CHRM3: variants seen among roughly 807,000 people sequenced by gnomAD.
The protein encoded by CHRM3 is muscarinic acetylcholine receptor M3.
Under a neutral mutation model 41.8 loss-of-function variants are expected in CHRM3, and 11 were observed. The observed-to-expected ratio is 0.26, with a 90% CI of 0.17 to 0.44. The LOEUF (loss-of-function observed/expected upper bound fraction) is 0.44, where lower values mean the gene tolerates loss of function less well. CHRM3 is among the 20% of genes least tolerant of loss of function. The pLI, the probability that CHRM3 is intolerant of heterozygous loss-of-function variation, is 1.00. For synonymous variants in CHRM3, 297 were observed against 301.4 expected, an observed-to-expected ratio of 0.99 and a Z score of 0.15; for missense variants, 571 against 745.4, an observed-to-expected ratio of 0.77 and a Z score of 2.72.
At chr1:239,777,693 A>G (rs1455686892) in intron 5 of CHRM3, among the ~76,000 whole-genome samples, 1 of 152,188 alleles carries the variant, frequency 6.6e-6, no homozygotes, top group Admixed American at 6.5e-5. Flanking sequence ...AGGCTGACCA[A>G]TGATTTATGA....
chr1:239,395,248 G>A (rs1278716662), intron 1 of CHRM3, among the ~76,000 whole-genome samples: 1 of 151,882 alleles, frequency 6.6e-6, no homozygotes, highest in Non-Finnish European at 1.5e-5. Flanking sequence ...CTCTCCTTTT[G>A]TACCTGCCTC....
chr1:239,743,068 G>GA (rs34041782), intron 5 of CHRM3, among the ~76,000 whole-genome samples: 1 of 151,288 alleles, frequency 6.6e-6, no homozygotes, highest in Admixed American at 6.6e-5. Flanking sequence ...CTACTCAGGG[G>GA]AAAAAAAAGA....
At chr1:239,395,651 G>C (rs972888951) in intron 1 of CHRM3, among the ~76,000 whole-genome samples, 1 of 152,120 alleles carries the variant, frequency 6.6e-6, no homozygotes, top group East Asian at 1.9e-4. Flanking sequence ...GGCTGGGTTG[G>C]GGCCTGAGAA....
chr1:239,432,513 A>G (rs963980034), intron 1 of CHRM3, among the ~76,000 whole-genome samples: 2 of 152,190 alleles, frequency 1.3e-5, no homozygotes, highest in Non-Finnish European at 2.9e-5. Flanking sequence ...TTATATGTAG[A>G]TGATGAGCAG....
chr1:239,787,500 A>G (rs1572290858), intron 5 of CHRM3, among the ~76,000 whole-genome samples: 1 of 152,140 alleles, frequency 6.6e-6, no homozygotes, highest in Non-Finnish European at 1.5e-5. Flanking sequence ...CAGTGGCAGG[A>G]AAGATCAATA....
intron 1 of CHRM3, among the ~76,000 whole-genome samples, chr1:239,481,566 ATAGG>A (rs1666856147): frequency 6.6e-6 from 1 of 152,218 alleles, no homozygotes. Context: ...CAATTCCCTG[ATAGG>A]TAGGCACTAA....
rs1680349887 is a variant in CHRM3, at chr1:239,911,246, TAC to T, written c.*2026_*2027del. On this transcript the variant is annotated 3_prime_UTR_variant, in exon 7 of 7. Coordinates refer to ENST00000676153, the MANE Select transcript of CHRM3 (RefSeq NM_001375978.1). ...TCCACCATTGTGTCTGAAATCATTT[TAC>T]ACAGGGAAAAAAAAAAACAATCAGC... 1 of 164,518 alleles carries T rather than the reference TAC, an allele frequency of 6.1e-6. No individual in the cohort carries two copies. The highest frequency in any genetic ancestry group is 1.5e-5 in the Non-Finnish European group (1 of 68,064). The allele number at this position is 164,518 out of a possible 1,614,324, so 10.2% of individuals were successfully genotyped here. A position where few individuals can be genotyped will look rare whatever the true frequency, so the allele number is the denominator to read the frequency against.
rs545925623 is a variant in CHRM3, at chr1:239,434,863, A to G, written c.-521+47636A>G. 5.1e-4 allele frequency among the ~76,000 whole-genome samples: 78 copies of G among 152,340 alleles called. 2 individuals carry two copies. In the Middle Eastern group the frequency reaches 0.01, roughly 20 times the overall value. ...TGTAATACTTTGAAAGGAAACAATCATTGGTATTCTGGTTGGGAATTTGAA... is the reference window on the plus strand; with the variant it reads ...TGTAATACTTTGAAAGGAAACAATCGTTGGTATTCTGGTTGGGAATTTGAA... On this transcript the variant is annotated intron_variant, in intron 1 of 6. Transcript: ENST00000676153.
At chr1:239,858,119 A>G (rs1408022425) in intron 6 of CHRM3, among the ~76,000 whole-genome samples, 2 of 152,212 alleles carry the variant, frequency 1.3e-5, no homozygotes, top group East Asian at 1.9e-4. Flanking sequence ...TCACTTAATG[A>G]TGCACTAATT....
chr1:239,491,697 G>A (rs115426100), intron 1 of CHRM3, among the ~76,000 whole-genome samples: 3 of 152,164 alleles, frequency 2.0e-5, no homozygotes, highest in Non-Finnish European at 4.4e-5. Flanking sequence ...CTGGATATGT[G>A]GCCCATAGTG....
intron 5 of CHRM3, among the ~76,000 whole-genome samples, chr1:239,781,163 G>A (rs1009544361): frequency 6.6e-6 from 1 of 152,046 alleles, no homozygotes; most frequent in East Asian, 1.9e-4. Flanking sequence ...GATTTTGATT[G>A]GGATTGTATT....
chr1:239,756,844 AT>A (rs930743386), intron 5 of CHRM3, among the ~76,000 whole-genome samples: 1 of 152,054 alleles, frequency 6.6e-6, no homozygotes, highest in African/African-American at 2.4e-5. Context: ...TTTTCACATA[AT>A]TTTGCATAAT....
rs142296195 is a variant in CHRM3, at chr1:239,667,128, A to T, written c.-249-11058A>T. ...TTTTTAATGATCTCTCCATGGCTTA[A>T]TTTCTTTGTATCACGAATTGCTTAT... On this transcript the variant is annotated intron_variant, in intron 4 of 6. Transcript: ENST00000676153. 3.5e-3 allele frequency among the ~76,000 whole-genome samples: 533 copies of T among 152,152 alleles called. 2 individuals are homozygous for T. The highest frequency in any genetic ancestry group is 0.012 in the African/African-American group (515 of 41,488).
chr1:239,912,818 G>A lies in CHRM3; in HGVS notation c.*3594G>A, dbSNP rs1023569251. The A allele has an allele frequency of 1.8e-5, 3 of 167,170 alleles. No individual in the cohort carries two copies. The highest frequency in any genetic ancestry group is 6.5e-5 in the Admixed American group (1 of 15,294). 10.4% of individuals were successfully genotyped at this position (167,170 alleles called of 1,614,324 possible). On this transcript the variant is annotated 3_prime_UTR_variant, in exon 7 of 7. Coordinates refer to ENST00000676153, the MANE Select transcript of CHRM3 (RefSeq NM_001375978.1). ...TCTTCCCCTGGCAGCTTCAGAGGAC[G>A]AGTGAAAATAGTGCAGTATAGTCAA... is the stretch of plus-strand genomic sequence containing the variant.
chr1:239,647,448 C>T (rs992119642), intron 4 of CHRM3, among the ~76,000 whole-genome samples: 1 of 152,134 alleles, frequency 6.6e-6, no homozygotes. Context: ...GCCTCTTTCT[C>T]TTTTTTCCTC....
chr1:239,630,745 A>T (rs1220186486), intron 3 of CHRM3, among the ~76,000 whole-genome samples: 1 of 152,200 alleles, frequency 6.6e-6, no homozygotes, highest in Admixed American at 6.5e-5. Context: ...GTTAGTGGAA[A>T]GAGTCAGACA....
At chr1:239,430,160 G>T (rs1452114781) in intron 1 of CHRM3, among the ~76,000 whole-genome samples, 1 of 151,678 alleles carries the variant, frequency 6.6e-6, no homozygotes, top group Non-Finnish European at 1.5e-5. Flanking sequence ...TAGAGACGGG[G>T]TTTCACCATC....
chr1:239,596,592 C>T (rs1197840554), intron 3 of CHRM3, among the ~76,000 whole-genome samples: 1 of 151,886 alleles, frequency 6.6e-6, no homozygotes, highest in Non-Finnish European at 1.5e-5. Context: ...AAGTATATAC[C>T]TGATGAATTT....
At chr1:239,523,759 C>T (rs536997698) in intron 2 of CHRM3, among the ~76,000 whole-genome samples, 1 of 152,256 alleles carries the variant, frequency 6.6e-6, no homozygotes, top group South Asian at 2.1e-4. Flanking sequence ...GAAAGCATAG[C>T]TGACGTGATA....
Sources: gnomAD v4.1 joint callset for allele counts (sites outside exome capture counted in the v4.1 genomes callset) on GRCh38, gnomAD v4.1.1 for gene constraint, MANE v1.5 for transcripts, NCBI Gene and HGNC (gene_info 2026-07-23, HGNC 2026-07-21) for gene names.